GRID2: variants seen among roughly 807,000 people sequenced by gnomAD.
GRID2 encodes the protein glutamate ionotropic receptor delta type subunit 2.
Under a neutral mutation model 114.8 loss-of-function variants are expected in GRID2, and 33 were observed. The observed-to-expected ratio is 0.29, with a 90% CI of 0.22 to 0.38. The LOEUF (loss-of-function observed/expected upper bound fraction) is 0.38, where lower values mean the gene tolerates loss of function less well. Among genes scored for constraint, GRID2 ranks in the 10% least tolerant of loss-of-function variants. The pLI is 1.00. For missense variants in GRID2, 1,184 were observed against 1,257.7 expected (o/e 0.94, Z 0.89); for synonymous variants, 505 against 449.9 (o/e 1.12, Z -1.55).
At chr4:93,459,137 G>A (rs996078759) in intron 11 of GRID2, among the ~76,000 whole-genome samples, 1 of 128,918 alleles carries the variant, frequency 7.8e-6, no homozygotes, top group African/African-American at 2.9e-5. Flanking sequence ...CCGAGATTGT[G>A]CCATTGCACT....
At chr4:93,009,522 C>T (rs988791762) in intron 2 of GRID2, among the ~76,000 whole-genome samples, 1 of 152,108 alleles carries the variant, frequency 6.6e-6, no homozygotes, top group African/African-American at 2.4e-5. Flanking sequence ...TAATGTATGA[C>T]ATTTTCATAA....
chr4:92,993,500 G>A (rs541964656), intron 2 of GRID2, among the ~76,000 whole-genome samples: 119 of 152,110 alleles, frequency 7.8e-4, no homozygotes, highest in Non-Finnish European at 1.3e-3. Context: ...TTTCAATATT[G>A]TGGAGTTATG....
intron 7 of GRID2, among the ~76,000 whole-genome samples, chr4:93,237,983 C>G (rs1459642430): frequency 1.3e-5 from 2 of 151,810 alleles, no homozygotes; most frequent in African/African-American, 2.4e-5. Flanking sequence ...TTGTTGAAAT[C>G]TATCTTATAT....
At chr4:92,991,633 G>T (rs1278953345) in intron 2 of GRID2, among the ~76,000 whole-genome samples, 1 of 152,148 alleles carries the variant, frequency 6.6e-6, no homozygotes, top group Non-Finnish European at 1.5e-5. Context: ...CAAGGAAAAT[G>T]CTTTTCTGAG....
chr4:93,649,757 G>T (rs1317019311), intron 14 of GRID2, among the ~76,000 whole-genome samples: 1 of 152,122 alleles, frequency 6.6e-6, no homozygotes, highest in African/African-American at 2.4e-5. Context: ...GCCTGACAGA[G>T]TTAGAGTTAC....
At chr4:93,735,206 T>A (rs1730821774) in intron 14 of GRID2, among the ~76,000 whole-genome samples, 1 of 151,906 alleles carries the variant, frequency 6.6e-6, no homozygotes, top group Admixed American at 6.6e-5. Flanking sequence ...ACTAAACAAA[T>A]GGAATCAGTA....
chr4:92,707,838 G>T (rs998584961), intron 2 of GRID2, among the ~76,000 whole-genome samples: 4 of 152,178 alleles, frequency 2.6e-5, no homozygotes, highest in African/African-American at 9.7e-5. Context: ...AACATTTGAT[G>T]GTCCCTGATG....
At position 93,451,436 on chromosome 4, in the gene GRID2, T is replaced by C. The variant is rs561806087; in HGVS notation, c.1546-4226T>C. Among the ~76,000 whole-genome samples, 119 of 152,220 alleles carry C rather than the reference T, an allele frequency of 7.8e-4. No individual in the cohort carries two copies. In the Middle Eastern group the frequency reaches 0.01, roughly 13 times the overall value. ...GTCAATCCAGACTGTGGGAACAGCA[T>C]GTACAAAGACCATGCATCAGGAAGA... is the stretch of plus-strand genomic sequence containing the variant. On this transcript the variant is annotated intron_variant, in intron 10 of 15. Transcript: ENST00000282020.
rs17019944 is a variant in GRID2, at chr4:92,860,532, A to G, written c.245-224463A>G. 5.9e-3 allele frequency among the ~76,000 whole-genome samples: 902 copies of G among 152,232 alleles called. 15 individuals carry two copies. Among genetic ancestry groups the G allele is most frequent in the African/African-American group, 0.021 (856 of 41,550 alleles). On this transcript the variant is annotated intron_variant, in intron 2 of 15. Transcript: ENST00000282020. The stretch of plus-strand genomic sequence containing the variant: ...TATTGCCTATAAAGAGAGTAAGAGT[A>G]TACAAAACCTGGGAGATCAGCTATA...
chr4:92,887,773 T>G (rs1385735488), intron 2 of GRID2, among the ~76,000 whole-genome samples: 1 of 152,190 alleles, frequency 6.6e-6, no homozygotes, highest in Non-Finnish European at 1.5e-5. Flanking sequence ...AAGTGCCTCC[T>G]GTTTTCTTTA....
chr4:93,460,623 T>C (rs548146560), intron 11 of GRID2, among the ~76,000 whole-genome samples: 36 of 152,332 alleles, frequency 2.4e-4, no homozygotes, highest in South Asian at 4.1e-4. Flanking sequence ...GAATATAAGA[T>C]AGTGTACTAT....
intron 8 of GRID2, among the ~76,000 whole-genome samples, chr4:93,346,055 T>C (rs1220695937): frequency 6.6e-6 from 1 of 152,172 alleles, no homozygotes; most frequent in Non-Finnish European, 1.5e-5. Context: ...AGCTTTGTAG[T>C]ATATATCAAA....
At chr4:93,475,017 C>T (rs144466300) in intron 11 of GRID2, among the ~76,000 whole-genome samples, 3 of 152,060 alleles carry the variant, frequency 2.0e-5, no homozygotes, top group African/African-American at 7.2e-5. Context: ...TGCAACTTCA[C>T]CCTGATCCCC....
chr4:92,411,803 T>C, intron 1 of GRID2, among the ~76,000 whole-genome samples: 1 of 151,506 alleles, frequency 6.6e-6, no homozygotes, highest in Admixed American at 6.6e-5. Context: ...CCTCCCGGGT[T>C]CACGCCATTC....
intron 8 of GRID2, among the ~76,000 whole-genome samples, chr4:93,291,364 G>A (rs1753741645): frequency 1.3e-5 from 2 of 152,044 alleles, no homozygotes; most frequent in South Asian, 4.1e-4. Flanking sequence ...GTTTAGTTTG[G>A]GCAAGTTATT....
chr4:92,774,288 C>G (rs534516218), intron 2 of GRID2, among the ~76,000 whole-genome samples: 1 of 152,178 alleles, frequency 6.6e-6, no homozygotes, highest in South Asian at 2.1e-4. Context: ...TGATGCTCCA[C>G]AAAATGTCAA....
intron 1 of GRID2, among the ~76,000 whole-genome samples, chr4:92,540,098 G>A (rs1293950898): frequency 1.3e-5 from 2 of 152,148 alleles, no homozygotes; most frequent in Non-Finnish European, 2.9e-5. Context: ...GCCATATGTA[G>A]AAAGCTGAAA....
At chr4:93,091,532 T>A (rs1730790467) in intron 3 of GRID2, among the ~76,000 whole-genome samples, 1 of 152,140 alleles carries the variant, frequency 6.6e-6, no homozygotes, top group Non-Finnish European at 1.5e-5. Flanking sequence ...TCCCCATAAT[T>A]GTAGGGGTCT....
At chr4:92,697,960 T>C (rs981426265) in intron 2 of GRID2, among the ~76,000 whole-genome samples, 2 of 152,186 alleles carry the variant, frequency 1.3e-5, no homozygotes, top group Non-Finnish European at 1.5e-5. Context: ...GAGTCTTTTT[T>C]TGTTGTTTGC....
Sources: allele counts gnomAD v4.1 joint callset (sites outside exome capture counted in the v4.1 genomes callset), GRCh38; gene constraint gnomAD v4.1.1; transcripts MANE v1.5; gene names NCBI Gene and HGNC (gene_info 2026-07-23, HGNC 2026-07-21).